Variants in CTNND2 observed in about 807,000 individuals in gnomAD.
The protein encoded by CTNND2 is catenin delta 2, also known as catenin delta-2.
A neutral mutation model predicts 144.4 loss-of-function variants in CTNND2; 22 were observed. The ratio of observed to expected loss-of-function variants is 0.15; its 90% CI spans 0.11 to 0.22. The LOEUF is 0.22. Among genes scored for constraint, CTNND2 ranks in the 10% least tolerant of loss-of-function variants. The probability of loss-of-function intolerance (pLI) is 1.00; values close to 1 mark genes in which losing one functional copy is unlikely to be tolerated. For missense variants in CTNND2, 1,353 were observed against 1,618.8 expected, an observed-to-expected ratio of 0.84 and a Z score of 2.82; for synonymous variants, 751 against 695.6, an observed-to-expected ratio of 1.08 and a Z score of -1.25.
chr5:11,200,988 C>T (rs1053094595), intron 10 of CTNND2, among the ~76,000 whole-genome samples: 2 of 147,674 alleles, frequency 1.4e-5, no homozygotes, highest in African/African-American at 5.1e-5. Context: ...CATCCCCAGG[C>T]TCTTTCAGTA....
intron 11 of CTNND2, among the ~76,000 whole-genome samples, chr5:11,161,840 T>C (rs1385282991): frequency 1.3e-5 from 2 of 152,148 alleles, no homozygotes; most frequent in Non-Finnish European, 2.9e-5. Flanking sequence ...TTTTGCTGTA[T>C]GGTATATATC....
chr5:11,539,273 C>G (rs1774500685), intron 3 of CTNND2, among the ~76,000 whole-genome samples: 1 of 152,146 alleles, frequency 6.6e-6, no homozygotes. Flanking sequence ...CATCTGAATT[C>G]CGGGTGACTG....
chr5:11,364,088 G>A (rs187870769), intron 8 of CTNND2, among the ~76,000 whole-genome samples: 14 of 152,258 alleles, frequency 9.2e-5, no homozygotes, highest in East Asian at 5.8e-4. Flanking sequence ...AAACACTTGC[G>A]TTTTGTCGTG....
intron 3 of CTNND2, among the ~76,000 whole-genome samples, chr5:11,481,413 C>T (rs982834814): frequency 1.3e-5 from 2 of 152,126 alleles, no homozygotes; most frequent in Non-Finnish European, 2.9e-5. Flanking sequence ...TAAAAGAGAA[C>T]TCAGCCTGGG....
chr5:11,399,051 C>T (rs1260765902), intron 5 of CTNND2, among the ~76,000 whole-genome samples: 1 of 152,172 alleles, frequency 6.6e-6, no homozygotes, highest in Non-Finnish European at 1.5e-5. Flanking sequence ...AAGGGCTTTA[C>T]CCTTTGTCCC....
At chr5:11,864,911 T>G (rs1011232079) in intron 1 of CTNND2, among the ~76,000 whole-genome samples, 1 of 80,722 alleles carries the variant, frequency 1.2e-5, no homozygotes, top group Admixed American at 1.5e-4. Flanking sequence ...TTTTTTTTTT[T>G]GCGATGGAGT....
intron 3 of CTNND2, among the ~76,000 whole-genome samples, chr5:11,521,549 A>T (rs527523898): frequency 6.6e-6 from 1 of 152,364 alleles, no homozygotes; most frequent in African/African-American, 2.4e-5. Flanking sequence ...ATCATTAAAC[A>T]TATATACATA....
At chr5:11,764,769 C>G (rs1183996705) in intron 1 of CTNND2, among the ~76,000 whole-genome samples, 1 of 152,158 alleles carries the variant, frequency 6.6e-6, no homozygotes, top group Non-Finnish European at 1.5e-5. Flanking sequence ...CATACCTTTT[C>G]TGTGGGCCAG....
intron 9 of CTNND2, among the ~76,000 whole-genome samples, chr5:11,299,350 C>T (rs990083320): frequency 1.3e-5 from 2 of 152,168 alleles, no homozygotes; most frequent in South Asian, 4.1e-4. Context: ...GACCTCGTTA[C>T]TGCCATCGCC....
intron 1 of CTNND2, among the ~76,000 whole-genome samples, chr5:11,895,624 G>C (rs1429672744): frequency 2.6e-5 from 4 of 151,326 alleles, no homozygotes; most frequent in Non-Finnish European, 5.9e-5. Context: ...AACTCCTGTA[G>C]GACAAGTGAG....
chr5:11,002,030 G>T (rs1580001111), intron 18 of CTNND2, among the ~76,000 whole-genome samples: 1 of 152,194 alleles, frequency 6.6e-6, no homozygotes, highest in African/African-American at 2.4e-5. Flanking sequence ...CCTGCCCATG[G>T]CAAATGCATT....
intron 9 of CTNND2, among the ~76,000 whole-genome samples, chr5:11,295,512 C>G (rs1748836381): frequency 6.6e-6 from 1 of 152,188 alleles, no homozygotes; most frequent in Non-Finnish European, 1.5e-5. Context: ...CAAAAAAGAG[C>G]CCGCATTGCC....
intron 7 of CTNND2, among the ~76,000 whole-genome samples, chr5:11,370,020 C>T (rs1757323067): frequency 6.6e-6 from 1 of 152,096 alleles, no homozygotes. Context: ...CGAGTTCATA[C>T]TACAATTGAT....
At chr5:11,112,293 T>C (rs1394933882) in intron 13 of CTNND2, among the ~76,000 whole-genome samples, 1 of 152,160 alleles carries the variant, frequency 6.6e-6, no homozygotes, top group East Asian at 1.9e-4. Flanking sequence ...ACAAGGGGCC[T>C]GTACGTCAAA....
At chr5:11,864,430 T>C (rs1795645832) in intron 1 of CTNND2, among the ~76,000 whole-genome samples, 1 of 152,188 alleles carries the variant, frequency 6.6e-6, no homozygotes, top group South Asian at 2.1e-4. Context: ...AAAACAAATA[T>C]GATCATCTTA....
chr5:11,138,816 A>G (rs1561369094), intron 12 of CTNND2, among the ~76,000 whole-genome samples: 2 of 152,176 alleles, frequency 1.3e-5, no homozygotes, highest in African/African-American at 2.4e-5. Flanking sequence ...CTCCATACAT[A>G]TCTCCAGTGG....
chr5:11,117,654 A>G (rs1753695946), intron 12 of CTNND2, 87 bp from the exon 13 acceptor site: 2 of 1,035,468 alleles, frequency 1.9e-6, no homozygotes, highest in South Asian at 2.6e-5. Flanking sequence ...ATAGTTTGAA[A>G]GTAAATGCAT....
intron 9 of CTNND2, among the ~76,000 whole-genome samples, chr5:11,262,761 C>CAAAAAAAAAAAAAAAAAAAAAAAAA (rs11289676): frequency 2.0e-4 from 9 of 45,680 alleles, no homozygotes; most frequent in African/African-American, 4.8e-4. Context: ...GACTCTGTCT[C>CAAAAAAAAAAAAAAAAAAAAAAAAA]AAAAAAAAAA....
rs1013976325 is a variant in CTNND2, at chr5:11,346,380, T to C, written c.1620A>G (p.Lys540=). The C allele has an allele frequency of 1.1e-5, 16 of 1,449,642 alleles. No homozygotes were observed. The highest frequency in any genetic ancestry group is 1.5e-5 in the Non-Finnish European group (16 of 1,095,782). 89.8% of individuals were successfully genotyped at this position (1,449,642 alleles called of 1,614,324 possible). The change falls in exon 9 of 22, where the codon AAA becomes AAG. Residue 540 remains lysine (K), a synonymous_variant. Transcript: ENST00000304623. Reference sequence around the variant, plus strand: ...AAAAGGTTTTTACCCACCTGGGATCTTTCTGAATGCTATCAATGGACGGGG... The same window carrying C: ...AAAAGGTTTTTACCCACCTGGGATCCTTCTGAATGCTATCAATGGACGGGG... ...ARSPSIDSIQ[K]DPREFGWRDP...
Sources: gnomAD v4.1 joint callset for allele counts (sites outside exome capture counted in the v4.1 genomes callset) on GRCh38, gnomAD v4.1.1 for gene constraint, MANE v1.5 for transcripts, NCBI Gene and HGNC (gene_info 2026-07-23, HGNC 2026-07-21) for gene names.